STON2: variants seen among roughly 807,000 people sequenced by gnomAD.
STON2 encodes stonin-2.
Under a neutral mutation model 65.7 loss-of-function variants are expected in STON2, and 29 were observed. The ratio of observed to expected loss-of-function variants is 0.44; its 90% confidence interval spans 0.33 to 0.60. The LOEUF (loss-of-function observed/expected upper bound fraction) is 0.60. STON2 is among the 20% of genes least tolerant of loss of function. The pLI is 0.03. For missense variants in STON2, 1,054 were observed against 1,118.1 expected (o/e 0.94, Z 0.82); for synonymous variants, 404 against 414.2 (o/e 0.98, Z 0.30).
intron 5 of STON2, chr14:81,306,581 A>G (rs1896193531): frequency 6.6e-6 from 1 of 152,136 alleles, no homozygotes; most frequent in African/African-American, 2.4e-5. Context: ...TATGGCACTA[A>G]GCACAGAGTT....
chr14:81,261,500 T>A lies in STON2; in HGVS notation c.*6914A>T, dbSNP rs1160783258. 3 of 251,976 alleles carry A rather than the reference T, an allele frequency of 1.2e-5. No homozygotes were observed. The highest frequency in any genetic ancestry group is 2.2e-5 in the Non-Finnish European group (3 of 135,926). 15.6% of individuals were successfully genotyped at this position (251,976 alleles called of 1,614,324 possible). The stretch of plus-strand genomic sequence containing the variant: ...TTTGTAGCTTGTACATAGTTTAAAA[T>A]TTTTTTAACTACAATTTGATGTTAC... On this transcript the variant is annotated 3_prime_UTR_variant, in exon 8 of 8. Coordinates refer to ENST00000614646, the MANE Select transcript of STON2 (RefSeq NM_001394390.1).
At position 81,263,619 on chromosome 14, in the gene STON2, G is replaced by T; in HGVS notation, c.*4795C>A. ...TTAAAGCTCATCAGCTGTTGTTACT[G>T]TATTTTATGTGTGACCCAAGACAAT... On this transcript the variant is annotated 3_prime_UTR_variant, in exon 8 of 8. Transcript: ENST00000614646. 1 of 451,826 alleles carries T rather than the reference G, an allele frequency of 2.2e-6. No homozygotes were observed. Among genetic ancestry groups the T allele is most frequent in the Non-Finnish European group, 2.9e-6 (1 of 343,866 alleles). The allele number at this position is 451,826 out of a possible 1,614,324, so 28.0% of individuals were successfully genotyped here.
At chr14:81,373,999 CTTTTTTTTTTTTTTTT>C (rs57877137) in intron 3 of STON2, among the ~76,000 whole-genome samples, 2 of 60,470 alleles carry the variant, frequency 3.3e-5, no homozygotes, top group African/African-American at 1.6e-4. Context: ...ATAATAATGC[CTTTTTTTTTTTTTTTT>C]TTTTTTTTTT....
At chr14:81,371,676 T>TCAAA (rs58782661) in intron 3 of STON2, among the ~76,000 whole-genome samples, 12 of 97,660 alleles carry the variant, frequency 1.2e-4, no homozygotes, top group East Asian at 9.5e-4. Flanking sequence ...AGACTGAGTC[T>TCAAA]AAAAAAAAAA....
At position 81,264,961 on chromosome 14, in the gene STON2, A is replaced by G. The variant is rs1251731478; in HGVS notation, c.*3453T>C. 2 of 985,220 alleles carry G rather than the reference A, an allele frequency of 2.0e-6. No homozygotes were observed. The highest frequency in any genetic ancestry group is 3.5e-5 in the African/African-American group (2 of 57,220). 61.0% of individuals were successfully genotyped at this position (985,220 alleles called of 1,614,324 possible). Reference sequence around the variant, plus strand: ...AGGCCCTAGACTCAAAAGAAAGCACAGCTCTTGATACCACGTGATATCTAA... The same window carrying G: ...AGGCCCTAGACTCAAAAGAAAGCACGGCTCTTGATACCACGTGATATCTAA... On this transcript the variant is annotated 3_prime_UTR_variant, in exon 8 of 8. Transcript: ENST00000614646.
At chr14:81,395,434 G>T (rs1900268513) in intron 3 of STON2, 1 of 153,350 alleles carries the variant, frequency 6.5e-6, no homozygotes, top group African/African-American at 2.4e-5. Flanking sequence ...CAGAGACGGG[G>T]TTTCTCCGTG....
At chr14:81,295,253 A>G (rs1042813364) in intron 5 of STON2, among the ~76,000 whole-genome samples, 4 of 152,190 alleles carry the variant, frequency 2.6e-5, no homozygotes. Context: ...TGAACCCGGG[A>G]GGCAGAGGTT....
intron 4 of STON2, among the ~76,000 whole-genome samples, chr14:81,327,290 G>C (rs1050868741): frequency 4.6e-5 from 7 of 151,984 alleles, no homozygotes; most frequent in African/African-American, 1.7e-4. Flanking sequence ...CATAGGTGTT[G>C]TCGTTTTATC....
chr14:81,359,232 G>C (rs2140335645), intron 4 of STON2, among the ~76,000 whole-genome samples: 1 of 152,230 alleles, frequency 6.6e-6, no homozygotes, highest in African/African-American at 2.4e-5. Context: ...CAATCACATG[G>C]AGAATTTCAG....
chr14:81,333,216 C>T, intron 4 of STON2: 2 of 954,032 alleles, frequency 2.1e-6, no homozygotes, highest in Non-Finnish European at 3.3e-6. Flanking sequence ...TGGTCTTGTA[C>T]ATTTTTGCTA....
chr14:81,317,160 T>C (rs1164310732), intron 5 of STON2, among the ~76,000 whole-genome samples: 2 of 152,158 alleles, frequency 1.3e-5, no homozygotes, highest in Non-Finnish European at 2.9e-5. Context: ...GGAGAAGGCA[T>C]GTCACGTGGC....
chr14:81,276,758 T>G (rs1225401479), intron 6 of STON2, 143 bp downstream of exon 6: 3 of 938,336 alleles, frequency 3.2e-6, no homozygotes, highest in African/African-American at 3.3e-5. Context: ...GCTCAATTAT[T>G]TTTACTTTTC....
intron 3 of STON2, chr14:81,395,561 G>T (rs2140435672): frequency 4.5e-6 from 1 of 221,782 alleles, no homozygotes; most frequent in South Asian, 8.3e-5. Context: ...ATTTCTGTAT[G>T]TAAGGTGCTT....
intron 3 of STON2, among the ~76,000 whole-genome samples, chr14:81,387,140 TTTTGA>T (rs1418885433): frequency 6.6e-6 from 1 of 151,134 alleles, no homozygotes; most frequent in African/African-American, 2.5e-5. Flanking sequence ...CAAAATTTCA[TTTTGA>T]TTTAACACCA....
At chr14:81,388,293 T>A (rs1899918739) in intron 3 of STON2, among the ~76,000 whole-genome samples, 1 of 152,172 alleles carries the variant, frequency 6.6e-6, no homozygotes, top group African/African-American at 2.4e-5. Flanking sequence ...TCTCCTTTTT[T>A]CCCTGGCCAA....
chr14:81,407,133 C>G (rs914140254), intron 2 of STON2, among the ~76,000 whole-genome samples: 4 of 152,148 alleles, frequency 2.6e-5, no homozygotes, highest in African/African-American at 9.7e-5. Flanking sequence ...ACAGTTGCCT[C>G]ATAGATGTTG....
chr14:81,373,694 C>A (rs1310599136), intron 3 of STON2, among the ~76,000 whole-genome samples: 1 of 152,064 alleles, frequency 6.6e-6, no homozygotes, highest in African/African-American at 2.4e-5. Flanking sequence ...AACCTAGGGC[C>A]AACCGAAGAT....
At chr14:81,326,184 G>A (rs190213626) in intron 4 of STON2, among the ~76,000 whole-genome samples, 212 of 152,320 alleles carry the variant, frequency 1.4e-3, no homozygotes, top group Non-Finnish European at 2.5e-3. Flanking sequence ...GCCACGCTGT[G>A]TTCCTAAAAG....
At chr14:81,360,217 C>T (rs964223194) in intron 4 of STON2, among the ~76,000 whole-genome samples, 6 of 152,086 alleles carry the variant, frequency 3.9e-5, no homozygotes, top group African/African-American at 1.4e-4. Context: ...CAAACAAGGA[C>T]ATTACAAGAA....
Sources: gnomAD v4.1 joint callset for allele counts (sites outside exome capture counted in the v4.1 genomes callset) on GRCh38, gnomAD v4.1.1 for gene constraint, MANE v1.5 for transcripts, NCBI Gene and HGNC (gene_info 2026-07-23, HGNC 2026-07-21) for gene names.